The following EVA1A variants were observed in gnomAD, a reference collection of about 807,000 sequenced individuals.
EVA1A encodes protein eva-1 homolog A.
A neutral mutation model predicts 9.8 loss-of-function variants in EVA1A; 7 were observed. The observed-to-expected ratio is 0.71, with a 90% CI of 0.41 to 1.34. The LOEUF is 1.34. Among genes scored for constraint, EVA1A ranks in the 40% most tolerant of loss-of-function variants. The pLI, the probability that EVA1A is intolerant of heterozygous loss-of-function variation, is 0.01. For synonymous variants in EVA1A, 90 were observed against 85.6 expected, an observed-to-expected ratio of 1.05 and a Z score of -0.28; for missense variants, 206 against 205.9, an observed-to-expected ratio of 1.00 and a Z score of 0.00.
chr2:75,523,005 A>T lies in EVA1A; in HGVS notation c.-191-518T>A, dbSNP rs6712138. 7.2e-5 allele frequency among the ~76,000 whole-genome samples: 11 copies of T among 152,272 alleles called. No homozygotes were observed. The South Asian group carries it at 1.2e-3, about 17-fold the overall frequency. ...TTGCTAAAGTGTCAAGGCCTCTGCTAGGCCCAGGTAGGAAATCTCCTCTCT... is the reference window on the plus strand; with the variant it reads ...TTGCTAAAGTGTCAAGGCCTCTGCTTGGCCCAGGTAGGAAATCTCCTCTCT... On this transcript the variant is annotated intron_variant, in intron 1 of 3. Coordinates refer to ENST00000393913, the MANE Select transcript of EVA1A (RefSeq NM_001135032.2).
intron 1 of EVA1A, among the ~76,000 whole-genome samples, chr2:75,532,158 T>C (rs1270993363): frequency 1.4e-4 from 2 of 14,050 alleles, no homozygotes; most frequent in African/African-American, 6.6e-4. Flanking sequence ...AGACTCTGTC[T>C]CAAAAAAAAA....
chr2:75,493,408 G>A lies in EVA1A; in HGVS notation c.287C>T (p.Ser96Phe). 1 of 1,614,244 alleles carries A rather than the reference G, an allele frequency of 6.2e-7. No individual in the cohort carries two copies. The highest frequency in any genetic ancestry group is 8.5e-7 in the Non-Finnish European group (1 of 1,180,046). ...CTCGAAGCGGCGGTGTCTCCGCACG[G>A]AGAGATCGGACACGGTGTCCTCACT... is the stretch of plus-strand genomic sequence containing the variant. The part of the protein sequence containing the change: ...DGSEDTVSDL[S>F]VRRHRRFERT... Residue 96 changes from serine to phenylalanine, a missense_variant, in exon 4 of 4, where the codon TCC (serine) becomes TTC (phenylalanine). Coordinates refer to ENST00000393913, the MANE Select transcript of EVA1A (RefSeq NM_001135032.2).
intron 1 of EVA1A, chr2:75,542,701 C>T (rs887032056): frequency 3.9e-5 from 6 of 152,222 alleles, no homozygotes; most frequent in Admixed American, 1.3e-4. Flanking sequence ...AAAGTATGTG[C>T]ATTTCATATG....
At chr2:75,538,757 T>C (rs1676007113) in intron 1 of EVA1A, among the ~76,000 whole-genome samples, 1 of 152,234 alleles carries the variant, frequency 6.6e-6, no homozygotes, top group African/African-American at 2.4e-5. Context: ...CTGCATATTG[T>C]ATGATTTCAT....
chr2:75,535,687 A>G (rs1675857378), intron 1 of EVA1A, among the ~76,000 whole-genome samples: 1 of 152,228 alleles, frequency 6.6e-6, no homozygotes, highest in Admixed American at 6.5e-5. Flanking sequence ...TCAAGAATGG[A>G]AAACCAAATA....
At chr2:75,502,559 T>C (rs1423701467) in intron 3 of EVA1A, among the ~76,000 whole-genome samples, 1 of 151,922 alleles carries the variant, frequency 6.6e-6, no homozygotes, top group African/African-American at 2.4e-5. Context: ...CAAAGAGACA[T>C]AGATATGCAC....
chr2:75,500,124 G>A (rs549067421), intron 3 of EVA1A, among the ~76,000 whole-genome samples: 74 of 151,998 alleles, frequency 4.9e-4, no homozygotes, highest in Admixed American at 1.5e-3. Flanking sequence ...GTGCAAAAAT[G>A]GCCACCAAGC....
chr2:75,556,720 A>AG (rs952236006), intron 1 of EVA1A, among the ~76,000 whole-genome samples: 7 of 152,188 alleles, frequency 4.6e-5, no homozygotes, highest in African/African-American at 7.2e-5. Flanking sequence ...TTCCACGGAT[A>AG]GGGGGAGATG....
intron 1 of EVA1A, among the ~76,000 whole-genome samples, chr2:75,544,674 G>A (rs1021950378): frequency 2.6e-5 from 4 of 152,040 alleles, no homozygotes; most frequent in African/African-American, 9.7e-5. Flanking sequence ...CATAATTTTG[G>A]GAAGAATTTT....
At chr2:75,505,963 T>C (rs1217009944) in intron 3 of EVA1A, among the ~76,000 whole-genome samples, 1 of 152,216 alleles carries the variant, frequency 6.6e-6, no homozygotes, top group African/African-American at 2.4e-5. Flanking sequence ...TACCTGCTTA[T>C]AGTCAGAGTA....
intron 3 of EVA1A, 88 bp from the exon 4 acceptor site, chr2:75,493,697 C>G (rs1674108574): frequency 7.7e-7 from 1 of 1,306,376 alleles, no homozygotes; most frequent in Admixed American, 3.0e-5. Context: ...ACACTTCTCA[C>G]CAGGCCCCAA....
At chr2:75,497,850 CAAA>C (rs33933086) in intron 3 of EVA1A, among the ~76,000 whole-genome samples, 4 of 66,854 alleles carry the variant, frequency 6.0e-5, no homozygotes, top group Admixed American at 1.9e-4. Flanking sequence ...GATCCTGTCT[CAAA>C]AAAAAAAAAA....
chr2:75,496,545 T>A (rs184890223), intron 3 of EVA1A, among the ~76,000 whole-genome samples: 1 of 151,974 alleles, frequency 6.6e-6, no homozygotes, highest in Non-Finnish European at 1.5e-5. Flanking sequence ...CACAAACAAA[T>A]AGAAAAATAC....
chr2:75,546,503 C>T (rs935791031), intron 1 of EVA1A, among the ~76,000 whole-genome samples: 3 of 152,074 alleles, frequency 2.0e-5, no homozygotes, highest in Non-Finnish European at 4.4e-5. Flanking sequence ...GTAATAAAAG[C>T]ATATGTAAAT....
At chr2:75,499,205 A>T (rs1330471462) in intron 3 of EVA1A, among the ~76,000 whole-genome samples, 2 of 152,196 alleles carry the variant, frequency 1.3e-5, no homozygotes, top group Non-Finnish European at 2.9e-5. Flanking sequence ...TTCTTTTGTA[A>T]AGTGGGAGGA....
chr2:75,554,896 C>G (rs182380825), intron 1 of EVA1A, among the ~76,000 whole-genome samples: 10 of 152,314 alleles, frequency 6.6e-5, no homozygotes, highest in Non-Finnish European at 1.5e-4. Context: ...TCTGTCATGG[C>G]ACTAATCCAC....
At chr2:75,514,697 T>C (rs1674942378) in intron 3 of EVA1A, among the ~76,000 whole-genome samples, 1 of 152,152 alleles carries the variant, frequency 6.6e-6, no homozygotes. Context: ...GTCATAAACA[T>C]CTATTTCAAT....
chr2:75,558,828 G>A (rs957885474), intron 1 of EVA1A: 14 of 152,226 alleles, frequency 9.2e-5, no homozygotes, highest in African/African-American at 3.4e-4. Context: ...TAAAGACAGT[G>A]ATTTTCAAAC....
chr2:75,539,392 C>A (rs952847420), intron 1 of EVA1A, among the ~76,000 whole-genome samples: 1 of 152,164 alleles, frequency 6.6e-6, no homozygotes, highest in Admixed American at 6.5e-5. Flanking sequence ...TAGGTTTAAA[C>A]CCAAGCTCCA....
Sources: gnomAD v4.1 joint callset for allele counts (sites outside exome capture counted in the v4.1 genomes callset) on GRCh38, gnomAD v4.1.1 for gene constraint, MANE v1.5 for transcripts, NCBI Gene and HGNC (gene_info 2026-07-23, HGNC 2026-07-21) for gene names.